EFL1: variants seen among roughly 807,000 people sequenced by gnomAD.
The protein encoded by EFL1 is elongation factor-like GTPase 1.
In EFL1, 76 loss-of-function variants were observed where a neutral mutation model predicts 126.7. The observed-to-expected ratio is 0.60, with a 90% confidence interval of 0.50 to 0.73. EFL1 has a LOEUF of 0.73. EFL1 is among the 30% of genes least tolerant of loss of function. The pLI, the probability that EFL1 is intolerant of heterozygous loss-of-function variation, is 0.00. For missense variants in EFL1, 1,128 were observed against 1,343.2 expected, an observed-to-expected ratio of 0.84 and a Z score of 2.50; for synonymous variants, 410 against 448.4, an observed-to-expected ratio of 0.91 and a Z score of 1.08.
intron 15 of EFL1, among the ~76,000 whole-genome samples, chr15:82,209,291 G>A (rs930646578): frequency 1.4e-5 from 2 of 145,144 alleles, no homozygotes; most frequent in African/African-American, 5.4e-5. Context: ...TACCCCACAT[G>A]ACTAAGGATT....
At chr15:82,224,661 G>A (rs1234984300) in intron 12 of EFL1, among the ~76,000 whole-genome samples, 1 of 152,206 alleles carries the variant, frequency 6.6e-6, no homozygotes. Context: ...GAAAGCAGCA[G>A]AGACAGAAGG....
rs764525579 is a variant in EFL1 at position 82,163,923 on chromosome 15, G to A, written c.1812C>T (p.Cys604=). 8.7e-6 allele frequency: 14 copies of A among 1,614,010 alleles called. No individual in the cohort carries two copies. Among genetic ancestry groups the A allele is most frequent in the African/African-American group, 2.7e-5 (2 of 74,936 alleles). Residue 604 remains cysteine, a synonymous_variant, in exon 16 of 20, where the codon TGC becomes TGT. Transcript: ENST00000268206. ...KSATLCSLPS[C]PPFIPLNFEA... Reference sequence around the variant, plus strand: ...CGAAGTTGAGTGGTATAAATGGTGGGCAGGATGGCAGGCTACACAGTGTTG... The same window carrying A: ...CGAAGTTGAGTGGTATAAATGGTGGACAGGATGGCAGGCTACACAGTGTTG...
At chr15:82,199,118 C>G (rs1297552107) in intron 15 of EFL1, among the ~76,000 whole-genome samples, 1 of 152,024 alleles carries the variant, frequency 6.6e-6, no homozygotes, top group African/African-American at 2.4e-5. Flanking sequence ...ATATTCCTTC[C>G]TCCCTCTCTC....
intron 15 of EFL1, among the ~76,000 whole-genome samples, chr15:82,195,895 G>A (rs190359705): frequency 1.3e-5 from 2 of 152,218 alleles, no homozygotes; most frequent in African/African-American, 4.8e-5. Flanking sequence ...ACAATGTAAA[G>A]GAATCAATGT....
At chr15:82,154,469 C>A (rs561042247) in intron 17 of EFL1, among the ~76,000 whole-genome samples, 1 of 152,286 alleles carries the variant, frequency 6.6e-6, no homozygotes, top group Admixed American at 6.5e-5. Context: ...TAAACAAATT[C>A]TATAACATTA....
intron 18 of EFL1, 53 bp from the exon 19 acceptor site, chr15:82,138,895 A>G (rs2073755310): frequency 6.5e-7 from 1 of 1,530,804 alleles, no homozygotes; most frequent in Admixed American, 1.8e-5. Flanking sequence ...GGCTTGAGCC[A>G]CACCAAGACA....
rs548246885 is a variant in EFL1 at position 82,253,933 on chromosome 15, T to C, written c.160-1158A>G. On this transcript the variant is annotated intron_variant, in intron 3 of 19. Coordinates refer to ENST00000268206, the MANE Select transcript of EFL1 (RefSeq NM_024580.6). ...CTCCAGAATGATTTTCCCTTACCCTTCCTCCATTCTCTCCACTGTCAAACT... is the reference window on the plus strand; with the variant it reads ...CTCCAGAATGATTTTCCCTTACCCTCCCTCCATTCTCTCCACTGTCAAACT... Among the ~76,000 whole-genome samples, 4 of 152,262 alleles carry C rather than the reference T, an allele frequency of 2.6e-5. No homozygotes were observed. In the South Asian group the frequency reaches 8.3e-4, roughly 32 times the overall value.
At chr15:82,229,636 A>G (rs1374054704) in intron 8 of EFL1, among the ~76,000 whole-genome samples, 2 of 152,210 alleles carry the variant, frequency 1.3e-5, no homozygotes, top group Non-Finnish European at 2.9e-5. Flanking sequence ...ATATTAATAA[A>G]TTGATACCTC....
chr15:82,186,378 T>G (rs2074303967), intron 15 of EFL1, among the ~76,000 whole-genome samples: 1 of 152,208 alleles, frequency 6.6e-6, no homozygotes, highest in Admixed American at 6.5e-5. Flanking sequence ...TACTATATTG[T>G]CTGGCTCTTT....
Position 82,223,637 on chromosome 15 carries a change from G to C in EFL1, c.1292+1528C>G, listed in dbSNP as rs146089577. Among the ~76,000 whole-genome samples, 1,045 of 152,242 alleles carry C rather than the reference G, an allele frequency of 6.9e-3. 12 individuals carry two copies. Among genetic ancestry groups the C allele is most frequent in the African/African-American group, 0.024 (1,000 of 41,540 alleles). On this transcript the variant is annotated intron_variant, in intron 12 of 19. Coordinates refer to ENST00000268206, the MANE Select transcript of EFL1 (RefSeq NM_024580.6). ...TTAACAGCAAGTTTTCCAATTCTCT[G>C]ATATTCCCTATGATTCTACCAGAAT...
chr15:82,229,179 A>T, intron 8 of EFL1, 69 bp from the exon 9 acceptor site: 2 of 1,163,990 alleles, frequency 1.7e-6, no homozygotes, highest in Non-Finnish European at 2.4e-6. Context: ...CCTTCTTGAC[A>T]TGCTTTTATT....
rs116742114 is a variant in EFL1 at position 82,245,309 on chromosome 15, C to T, written c.245-3906G>A. On this transcript the variant is annotated intron_variant, in intron 4 of 19. Transcript: ENST00000268206. ...AGGGACTGCAGGCACACAAGGGTAA[C>T]TTTTATTTTTTGTAGAGATGGGGTT... Among the ~76,000 whole-genome samples the T allele has an allele frequency of 8.1e-3, 1,237 of 151,848 alleles. 30 individuals carry two copies. Among genetic ancestry groups the T allele is most frequent in the African/African-American group, 0.027 (1,132 of 41,324 alleles).
chr15:82,244,328 T>C (rs966909208), intron 4 of EFL1, among the ~76,000 whole-genome samples: 1 of 152,094 alleles, frequency 6.6e-6, no homozygotes, highest in Non-Finnish European at 1.5e-5. Context: ...TAAACGCAGT[T>C]ATAGGGGTTT....
At chr15:82,207,039 G>A (rs2074531574) in intron 15 of EFL1, among the ~76,000 whole-genome samples, 4 of 152,004 alleles carry the variant, frequency 2.6e-5, no homozygotes, top group Admixed American at 2.0e-4. Context: ...ACCTAATACT[G>A]TATTCCAGAA....
chr15:82,209,316 G>GACACACACACACACACAC (rs57128885), intron 15 of EFL1, among the ~76,000 whole-genome samples: 171 of 146,312 alleles, frequency 1.2e-3, no homozygotes, highest in African/African-American at 3.7e-3. Flanking sequence ...CACAGACACA[G>GACACACACACACACACAC]ACACACACAC....
chr15:82,245,914 T>C (rs1183738132), intron 4 of EFL1, among the ~76,000 whole-genome samples: 3 of 148,416 alleles, frequency 2.0e-5, no homozygotes, highest in African/African-American at 5.0e-5. Flanking sequence ...GCCTGGGTGA[T>C]AGAATGAGAC....
intron 11 of EFL1, among the ~76,000 whole-genome samples, chr15:82,226,063 A>C (rs559192235): frequency 6.6e-6 from 1 of 152,352 alleles, no homozygotes; most frequent in East Asian, 1.9e-4. Flanking sequence ...GCCCTGATTT[A>C]TATCTTAAGA....
intron 15 of EFL1, among the ~76,000 whole-genome samples, chr15:82,211,626 C>G (rs1567064866): frequency 1.3e-5 from 1 of 78,706 alleles, no homozygotes; most frequent in Non-Finnish European, 2.5e-5. Flanking sequence ...ACACTAGACT[C>G]TCTGGCCTCT....
chr15:82,184,012 G>A (rs1038456340), intron 15 of EFL1, among the ~76,000 whole-genome samples: 4 of 152,164 alleles, frequency 2.6e-5, no homozygotes, highest in African/African-American at 9.7e-5. Flanking sequence ...TCAGAACTCT[G>A]GGACCTCAGA....
Sources: gnomAD v4.1 joint callset for allele counts (sites outside exome capture counted in the v4.1 genomes callset) on GRCh38, gnomAD v4.1.1 for gene constraint, MANE v1.5 for transcripts, NCBI Gene and HGNC (gene_info 2026-07-23, HGNC 2026-07-21) for gene names.